RPH3A: variants seen among roughly 807,000 people sequenced by gnomAD.
RPH3A encodes the protein rabphilin 3A.
A neutral mutation model predicts 102.2 loss-of-function variants in RPH3A; 48 were observed. That is an observed-to-expected ratio of 0.47 (90% CI 0.37 to 0.60). The LOEUF (loss-of-function observed/expected upper bound fraction) is 0.60, where lower values mean the gene tolerates loss of function less well. RPH3A is among the 20% of genes least tolerant of loss of function. RPH3A has a pLI of 0.00. For missense variants in RPH3A, 781 were observed against 910.1 expected (o/e 0.86, Z 1.83); for synonymous variants, 310 against 324.3 (o/e 0.96, Z 0.47).
At chr12:112,731,987 C>G (rs546964461) in intron 1 of RPH3A, among the ~76,000 whole-genome samples, 3 of 152,334 alleles carry the variant, frequency 2.0e-5, no homozygotes, top group African/African-American at 7.2e-5. Flanking sequence ...GGGCTCATTT[C>G]TCAAGTTCCA....
chr12:112,865,562 C>A lies in RPH3A; in HGVS notation c.360+19C>A, dbSNP rs761223646. 2.5e-6 allele frequency: 4 copies of A among 1,611,192 alleles called. No homozygotes were observed. In the South Asian group the frequency reaches 4.4e-5, roughly 18 times the overall value. On this transcript the variant is annotated intron_variant, in intron 6 of 21. Transcript: ENST00000389385. ...TAAGAAGGTATCATCATCCTCTTCT[C>A]CCTTCTTCCCTGTGCAGCACCTGCA... is the stretch of plus-strand genomic sequence containing the variant.
At chr12:112,800,463 G>A (rs1227174849) in intron 2 of RPH3A, among the ~76,000 whole-genome samples, 1 of 152,144 alleles carries the variant, frequency 6.6e-6, no homozygotes, top group Non-Finnish European at 1.5e-5. Flanking sequence ...GACCTCCCAG[G>A]GTAGCCAAGG....
chr12:112,863,247 C>A (rs1044767708), intron 5 of RPH3A, among the ~76,000 whole-genome samples: 1 of 152,216 alleles, frequency 6.6e-6, no homozygotes, highest in Non-Finnish European at 1.5e-5. Context: ...AACAGATCCC[C>A]GTGTCATCTG....
intron 1 of RPH3A, among the ~76,000 whole-genome samples, chr12:112,672,284 C>T (rs2040138472): frequency 6.6e-6 from 1 of 152,138 alleles, no homozygotes; most frequent in African/African-American, 2.4e-5. Context: ...AGGCCTTCAG[C>T]TGATTAGATG....
chr12:112,743,514 G>A (rs1053451599), intron 1 of RPH3A, among the ~76,000 whole-genome samples: 3 of 152,184 alleles, frequency 2.0e-5, no homozygotes, highest in Admixed American at 2.0e-4. Flanking sequence ...TACTGTGTAC[G>A]CTGCTAAAAA....
intron 1 of RPH3A, among the ~76,000 whole-genome samples, chr12:112,620,862 C>T (rs2039716775): frequency 6.6e-6 from 1 of 152,186 alleles, no homozygotes; most frequent in African/African-American, 2.4e-5. Context: ...ATCCTGTCTG[C>T]TCCACATTTA....
At chr12:112,684,756 C>G (rs1408137383) in intron 1 of RPH3A, among the ~76,000 whole-genome samples, 1 of 152,108 alleles carries the variant, frequency 6.6e-6, no homozygotes, top group Non-Finnish European at 1.5e-5. Context: ...ACTGGTGTCT[C>G]AGTCCATTCA....
chr12:112,789,061 G>A (rs1456035790), upstream of RPH3A, among the ~76,000 whole-genome samples: 2 of 152,164 alleles, frequency 1.3e-5, no homozygotes, highest in Admixed American at 6.5e-5. Context: ...GCATGGTTGA[G>A]GCATGAGAAC....
chr12:112,697,603 C>T (rs765428220), intron 1 of RPH3A, among the ~76,000 whole-genome samples: 10 of 152,142 alleles, frequency 6.6e-5, no homozygotes, highest in Non-Finnish European at 1.3e-4. Flanking sequence ...TGGTGACTCA[C>T]GCCTGAATCC....
intron 7 of RPH3A, among the ~76,000 whole-genome samples, chr12:112,867,707 G>C (rs917830361): frequency 6.6e-6 from 1 of 152,198 alleles, no homozygotes; most frequent in Non-Finnish European, 1.5e-5. Flanking sequence ...ACTAGCAGTG[G>C]GTTGGGGGGA....
chr12:112,880,714 A>T (rs780469253), intron 14 of RPH3A, among the ~76,000 whole-genome samples: 1 of 152,130 alleles, frequency 6.6e-6, no homozygotes, highest in Non-Finnish European at 1.5e-5. Context: ...TTCCCTAAAA[A>T]CTTAACTACT....
At chr12:112,779,230 T>A (rs921901961) in intron 1 of RPH3A, among the ~76,000 whole-genome samples, 5 of 152,014 alleles carry the variant, frequency 3.3e-5, no homozygotes, top group African/African-American at 4.8e-5. Context: ...TGGGAGCGAG[T>A]GTCCTAGACT....
At chr12:112,678,398 C>A (rs73417178) in intron 1 of RPH3A, among the ~76,000 whole-genome samples, 3,447 of 150,190 alleles carry the variant, frequency 0.023, 201 homozygotes, top group African/African-American at 0.081. Context: ...AACAAACAAA[C>A]ACAAGGGCAG....
chr12:112,882,051 C>T (rs1188380504), intron 15 of RPH3A, among the ~76,000 whole-genome samples: 1 of 152,202 alleles, frequency 6.6e-6, no homozygotes, highest in African/African-American at 2.4e-5. Flanking sequence ...CCCATTTCTC[C>T]AACTCAGAAA....
At chr12:112,591,686 G>A (rs906834358) in intron 1 of RPH3A, 5 of 152,304 alleles carry the variant, frequency 3.3e-5, no homozygotes, top group Middle Eastern at 3.4e-3. Flanking sequence ...TTGGTGATTT[G>A]TGCTCGGAAA....
intron 1 of RPH3A, among the ~76,000 whole-genome samples, chr12:112,711,494 C>T (rs2040461634): frequency 6.6e-6 from 1 of 152,156 alleles, no homozygotes; most frequent in Non-Finnish European, 1.5e-5. Flanking sequence ...TTCTCATTCT[C>T]CCTCTGTTCT....
intron 1 of RPH3A, among the ~76,000 whole-genome samples, chr12:112,596,091 T>C (rs1353552773): frequency 6.6e-6 from 1 of 152,164 alleles, no homozygotes; most frequent in African/African-American, 2.4e-5. Flanking sequence ...CATCATTGAG[T>C]GAGAAAAGCA....
At chr12:112,753,107 G>T (rs749456595) in intron 1 of RPH3A, among the ~76,000 whole-genome samples, 1 of 151,468 alleles carries the variant, frequency 6.6e-6, no homozygotes, top group Admixed American at 6.6e-5. Flanking sequence ...ACTGTTTCTC[G>T]TGGAATGTTC....
At chr12:112,777,596 C>T (rs1162288976) in intron 1 of RPH3A, among the ~76,000 whole-genome samples, 1 of 152,154 alleles carries the variant, frequency 6.6e-6, no homozygotes, top group Non-Finnish European at 1.5e-5. Context: ...CTGAAGGGTC[C>T]TGACATGAGA....
Sources: gnomAD v4.1 joint callset for allele counts (sites outside exome capture counted in the v4.1 genomes callset) on GRCh38, gnomAD v4.1.1 for gene constraint, MANE v1.5 for transcripts, NCBI Gene and HGNC (gene_info 2026-07-23, HGNC 2026-07-21) for gene names.